DOCK1: variants seen among roughly 807,000 people sequenced by gnomAD.
DOCK1 encodes the protein dedicator of cytokinesis protein 1.
A neutral mutation model predicts 262.7 loss-of-function variants in DOCK1; 138 were observed. The observed-to-expected ratio is 0.53, with a 90% CI of 0.46 to 0.61. The LOEUF is 0.61. DOCK1 is among the 20% of genes least tolerant of loss of function. The pLI is 0.00. For missense variants in DOCK1, 1,908 were observed against 2,370.7 expected, an observed-to-expected ratio of 0.80 and a Z score of 4.05; for synonymous variants, 866 against 867.4, an observed-to-expected ratio of 1.00 and a Z score of 0.03.
intron 23 of DOCK1, among the ~76,000 whole-genome samples, chr10:127,088,020 T>C (rs7895398): frequency 0.52 from 79,547 of 152,076 alleles, 21,541 homozygotes; most frequent in African/African-American, 0.69. Flanking sequence ...AAGTTTTCTC[T>C]GATTTGCTCT....
In DOCK1 at chr10:127,143,556, G is replaced by T. The variant is rs561719879; in HGVS notation, c.2847+15792G>T. Among the ~76,000 whole-genome samples the T allele has an allele frequency of 1.4e-4, 21 of 152,332 alleles. 1 individual carries two copies. The highest frequency in any genetic ancestry group is 5.9e-5 in the Non-Finnish European group (4 of 68,024). On this transcript the variant is annotated intron_variant, in intron 27 of 51. Coordinates refer to ENST00000623213, the MANE Select transcript of DOCK1 (RefSeq NM_001290223.2). Reference sequence around the variant, plus strand: ...CCCAGGAGGGCAGGTGCACCAGGATGTGGGCTGGCTTTTATTGTGTAGCTT... The same window carrying T: ...CCCAGGAGGGCAGGTGCACCAGGATTTGGGCTGGCTTTTATTGTGTAGCTT...
chr10:127,422,856 GA>G (rs754954676), intron 46 of DOCK1, among the ~76,000 whole-genome samples: 4 of 152,060 alleles, frequency 2.6e-5, no homozygotes, highest in Non-Finnish European at 4.4e-5. Flanking sequence ...AAGTTCTATT[GA>G]TTTTTTTTTT....
rs1269413721 is a variant in DOCK1, at chr10:127,012,282, G to C, written c.1109G>C (p.Arg370Pro). ...CACAAGCCGCTGAACATGTCATCCC[G>C]TTTTTCACCCAGGGTGGCAGGGGAG... ...IRHKPLNMSS[R>P]FSPRVAGEND... The change falls in exon 12 of 52, where the codon CGT (arginine) becomes CCT (proline). Residue 370 changes from arginine (R) to proline (P), a missense_variant. This residue lies in a region of DOCK1 where 57 missense variants were observed against 39.7 expected (regional missense o/e 1.44). Coordinates refer to ENST00000623213, the MANE Select transcript of DOCK1 (RefSeq NM_001290223.2). This position sits in a 1 kb window ranked among gnomAD's most constrained non-coding sequence, Gnocchi z 4.0. 1 of 1,613,942 alleles carries C rather than the reference G, an allele frequency of 6.2e-7. No individual in the cohort carries two copies. Among genetic ancestry groups the C allele is most frequent in the South Asian group, 1.1e-5 (1 of 91,074 alleles).
chr10:127,392,806 T>G, intron 38 of DOCK1, among the ~76,000 whole-genome samples: 1 of 151,966 alleles, frequency 6.6e-6, no homozygotes, highest in Non-Finnish European at 1.5e-5. Context: ...CGCATCACAG[T>G]TGGGTTTTGT....
chr10:127,203,888 A>C (rs61874041), intron 27 of DOCK1, among the ~76,000 whole-genome samples: 2,305 of 151,362 alleles, frequency 0.015, 17 homozygotes, highest in Non-Finnish European at 0.024. Flanking sequence ...GACATTTCTT[A>C]CACAATTTTG....
intron 25 of DOCK1, among the ~76,000 whole-genome samples, chr10:127,114,256 T>C (rs941991004): frequency 1.3e-5 from 2 of 152,112 alleles, no homozygotes; most frequent in Non-Finnish European, 2.9e-5. Context: ...ATTTATTGAA[T>C]GAATGAAATG....
At chr10:127,071,590 T>A (rs950979583) in intron 23 of DOCK1, among the ~76,000 whole-genome samples, 1 of 152,216 alleles carries the variant, frequency 6.6e-6, no homozygotes, top group Admixed American at 6.5e-5. Context: ...GTTTACTGAT[T>A]TTTTTATCAT....
intron 1 of DOCK1, among the ~76,000 whole-genome samples, chr10:126,906,457 A>G (rs2030862150): frequency 6.6e-6 from 1 of 151,248 alleles, no homozygotes; most frequent in Admixed American, 6.6e-5. Context: ...GGCCGTGGCT[A>G]CTCTCCTGCT....
intron 27 of DOCK1, among the ~76,000 whole-genome samples, chr10:127,202,005 A>G (rs765028120): frequency 1.3e-5 from 2 of 152,092 alleles, no homozygotes; most frequent in East Asian, 3.9e-4. Flanking sequence ...ATGCCCACAG[A>G]GAGTGACACT....
intron 29 of DOCK1, among the ~76,000 whole-genome samples, chr10:127,294,018 C>T (rs12243025): frequency 0.029 from 4,393 of 152,202 alleles, 206 homozygotes; most frequent in African/African-American, 0.1. Context: ...CCGGAGCACA[C>T]CGCGGATATG....
chr10:127,048,489 G>A (rs761606114), intron 21 of DOCK1, among the ~76,000 whole-genome samples: 6 of 151,346 alleles, frequency 4.0e-5, no homozygotes, highest in Non-Finnish European at 5.9e-5. Context: ...GGTGTCTTTC[G>A]ATGAGCAGAA....
intron 27 of DOCK1, among the ~76,000 whole-genome samples, chr10:127,195,793 C>T (rs1391092297): frequency 1.3e-5 from 2 of 152,254 alleles, no homozygotes; most frequent in East Asian, 3.9e-4. Flanking sequence ...TAACCTTGCC[C>T]CCCACCTGCG....
intron 1 of DOCK1, among the ~76,000 whole-genome samples, chr10:126,910,898 T>C (rs1278149240): frequency 6.6e-6 from 1 of 152,138 alleles, no homozygotes; most frequent in East Asian, 1.9e-4. Context: ...CGGGTGTTGC[T>C]TCTTTTCTTT....
At chr10:127,208,659 C>G (rs1004878208) in intron 27 of DOCK1, among the ~76,000 whole-genome samples, 3 of 151,984 alleles carry the variant, frequency 2.0e-5, no homozygotes, top group Admixed American at 1.3e-4. Flanking sequence ...GATTTCAAGA[C>G]CCCGTTTCAT....
intron 1 of DOCK1, among the ~76,000 whole-genome samples, chr10:126,915,872 T>C (rs2032431214): frequency 6.6e-6 from 1 of 151,926 alleles, no homozygotes; most frequent in South Asian, 2.1e-4. Context: ...GAAGGCTGTG[T>C]ACTAAAGCTT....
intron 22 of DOCK1, among the ~76,000 whole-genome samples, chr10:127,057,333 A>G (rs17698492): frequency 0.19 from 29,079 of 152,204 alleles, 3,021 homozygotes; most frequent in East Asian, 0.27. Flanking sequence ...TTGGCTTTCA[A>G]AATGGTCTAT....
At chr10:127,289,285 A>G (rs2061268493) in intron 29 of DOCK1, among the ~76,000 whole-genome samples, 1 of 152,104 alleles carries the variant, frequency 6.6e-6, no homozygotes, top group African/African-American at 2.4e-5. Flanking sequence ...TAGTATATAG[A>G]GATATTTCTC....
intron 21 of DOCK1, among the ~76,000 whole-genome samples, chr10:127,047,640 C>G (rs941554918): frequency 1.3e-5 from 2 of 152,178 alleles, no homozygotes; most frequent in East Asian, 1.9e-4. Context: ...TTGCCATTCC[C>G]CACAAACATC....
In DOCK1 at chr10:127,208,346, G is replaced by A. The variant is rs535780812; in HGVS notation, c.2848-39662G>A. 5.9e-5 allele frequency among the ~76,000 whole-genome samples: 9 copies of A among 152,220 alleles called. No homozygotes were observed. In the East Asian group the frequency reaches 1.5e-3, roughly 26 times the overall value. ...AAGACAATCCTGGACAGTCAGCATT[G>A]GATTTTCATCTCCAGCTGATTGATT... On this transcript the variant is annotated intron_variant, in intron 27 of 51. Coordinates refer to ENST00000623213, the MANE Select transcript of DOCK1 (RefSeq NM_001290223.2).
Sources: allele counts gnomAD v4.1 joint callset (sites outside exome capture counted in the v4.1 genomes callset), GRCh38; gene constraint gnomAD v4.1.1; regional missense constraint gnomAD v4.1.1; non-coding constraint Gnocchi (gnomAD v3.1); transcripts MANE v1.5; gene names NCBI Gene and HGNC (gene_info 2026-07-23, HGNC 2026-07-21).